Variants in RRM2 observed in about 807,000 individuals in gnomAD.
RRM2 encodes ribonucleoside-diphosphate reductase subunit M2.
RRM2 carries 6 observed loss-of-function variants against 45.9 expected under a neutral mutation model. That is an observed-to-expected ratio of 0.13 (90% CI 0.07 to 0.26). The LOEUF (loss-of-function observed/expected upper bound fraction) is 0.26, where lower values mean the gene tolerates loss of function less well. Ranked by LOEUF, RRM2 falls within the 10% of genes least tolerant of loss-of-function variation. RRM2 has a pLI of 1.00. For synonymous variants in RRM2, 177 were observed against 173.0 expected, an observed-to-expected ratio of 1.02 and a Z score of -0.18; for missense variants, 343 against 489.5, an observed-to-expected ratio of 0.70 and a Z score of 2.82.
chr2:10,140,965 G>A (rs912929333), upstream of RRM2, among the ~76,000 whole-genome samples: 6 of 152,192 alleles, frequency 3.9e-5, no homozygotes, highest in Admixed American at 6.5e-5. Flanking sequence ...GGGTTAGGAG[G>A]AGGTGCCCCG....
At chr2:10,207,756 C>G (rs1318124439) in intron 3 of RRM2, among the ~76,000 whole-genome samples, 1 of 152,070 alleles carries the variant, frequency 6.6e-6, no homozygotes, top group Admixed American at 6.5e-5. Flanking sequence ...AAATGTTCCC[C>G]TCGTGCCATG....
chr2:10,205,477 G>A lies in RRM2; in HGVS notation n.483-4834G>A, dbSNP rs532248583. Among the ~76,000 whole-genome samples, 89 of 152,262 alleles carry A rather than the reference G, an allele frequency of 5.8e-4. No homozygotes were observed. Among genetic ancestry groups the A allele is most frequent in the African/African-American group, 1.8e-3 (76 of 41,556 alleles). On this transcript the variant is annotated intron_variant and non_coding_transcript_variant, in intron 3 of 3. Coordinates refer to the RRM2 transcript ENST00000381786. The surrounding 1 kb of genome is among the most constrained non-coding windows in gnomAD (Gnocchi z 4.8). Reference sequence around the variant, plus strand: ...CTCTTCTCCATTCCCTCTGCTGCTCGTGGACACTCGGAGGTGGGGGAAGGC... The same window carrying A: ...CTCTTCTCCATTCCCTCTGCTGCTCATGGACACTCGGAGGTGGGGGAAGGC...
In RRM2 at chr2:10,193,128, G is replaced by T. The variant is rs557068170; in HGVS notation, n.483-17183G>T. ...GCCAGAAGCCTCAGGTGGCCTCCTT[G>T]TTTTGCCAGCCCTCCCCCGTCGGTT... is the stretch of plus-strand genomic sequence containing the variant. On this transcript the variant is annotated intron_variant and non_coding_transcript_variant, in intron 3 of 3. Coordinates refer to the RRM2 transcript ENST00000381786. 1.3e-3 allele frequency among the ~76,000 whole-genome samples: 204 copies of T among 152,192 alleles called. 1 individual carries two copies. Among genetic ancestry groups the T allele is most frequent in the African/African-American group, 4.7e-3 (195 of 41,534 alleles).
intron 3 of RRM2, chr2:10,192,629 C>G (rs192288636): frequency 4.5e-5 from 7 of 154,568 alleles, no homozygotes; most frequent in South Asian, 2.0e-4. Context: ...TCTCCTGGGT[C>G]CCTGTTTCCT....
intron 3 of RRM2, among the ~76,000 whole-genome samples, chr2:10,156,667 G>A (rs1039577570): frequency 6.6e-6 from 1 of 152,216 alleles, no homozygotes; most frequent in Non-Finnish European, 1.5e-5. Flanking sequence ...GATTGGGACA[G>A]GGTCTCTGTC....
intron 3 of RRM2, among the ~76,000 whole-genome samples, chr2:10,157,261 C>T (rs545140615): frequency 4.8e-4 from 73 of 152,262 alleles, no homozygotes; most frequent in Non-Finnish European, 9.0e-4. Context: ...AACTCCTGAC[C>T]TCAGGTGATC....
intron 3 of RRM2, among the ~76,000 whole-genome samples, chr2:10,149,580 G>C (rs1010724543): frequency 6.6e-6 from 1 of 152,086 alleles, no homozygotes; most frequent in African/African-American, 2.4e-5. Context: ...AATTCTTGCA[G>C]TGTCTTCCTG....
At chr2:10,197,362 A>C (rs575493654) in intron 3 of RRM2, among the ~76,000 whole-genome samples, 57 of 152,210 alleles carry the variant, frequency 3.7e-4, no homozygotes, top group African/African-American at 9.9e-4. Context: ...TCGTTTCGTC[A>C]TGTTCCTTCT....
In RRM2 at chr2:10,122,909, G is replaced by T; in HGVS notation, c.99+12G>T. Reference sequence around the variant, plus strand: ...ACAAGGAGAACACGGTGAGCCCGCGGGGAGGGCGCTGCGGGCAGGGGAGGG... The same window carrying T: ...ACAAGGAGAACACGGTGAGCCCGCGTGGAGGGCGCTGCGGGCAGGGGAGGG... On this transcript the variant is annotated intron_variant, in intron 1 of 9. Coordinates refer to ENST00000304567, the MANE Select transcript of RRM2 (RefSeq NM_001034.4). 1 of 1,570,490 alleles carries T rather than the reference G, an allele frequency of 6.4e-7. No individual in the cohort carries two copies. The highest frequency in any genetic ancestry group is 2.3e-5 in the East Asian group (1 of 43,322).
At chr2:10,210,447 C>G (rs1319214082) in exon 4 of RRM2, 2 of 1,367,902 alleles carry the variant, frequency 1.5e-6, no homozygotes, top group Admixed American at 3.8e-5. Context: ...TGGAGCGACC[C>G]TGTTTCAGAA....
At chr2:10,174,300 T>C (rs1404496961) in intron 3 of RRM2, among the ~76,000 whole-genome samples, 4 of 143,844 alleles carry the variant, frequency 2.8e-5, no homozygotes, top group African/African-American at 9.8e-5. Flanking sequence ...ACAGCAGCGC[T>C]TGGGGAGAAG....
intron 3 of RRM2, among the ~76,000 whole-genome samples, chr2:10,165,522 C>A (rs1407663047): frequency 6.6e-6 from 1 of 152,220 alleles, no homozygotes; most frequent in Non-Finnish European, 1.5e-5. Context: ...GGCTGGGGAC[C>A]AACTGTTTCT....
At chr2:10,189,539 C>T (rs1371695604) in intron 3 of RRM2, among the ~76,000 whole-genome samples, 1 of 152,238 alleles carries the variant, frequency 6.6e-6, no homozygotes. Flanking sequence ...GGGTGGAAGC[C>T]TGAAAGCAGA....
intron 3 of RRM2, among the ~76,000 whole-genome samples, chr2:10,186,665 C>G (rs4630742): frequency 6.6e-6 from 1 of 152,018 alleles, no homozygotes; most frequent in African/African-American, 2.4e-5. Context: ...GAGCAGTGGT[C>G]GAGAGATTTC....
In RRM2 at chr2:10,189,587, G is replaced by A. The variant is rs1272198711; in HGVS notation, n.483-20724G>A. On this transcript the variant is annotated intron_variant and non_coding_transcript_variant, in intron 3 of 3. Transcript: ENST00000381786. ...CTTTCTTTGGTCTGGGGGAGCTCAG[G>A]CCAGGGGCTGGTTAGAGTCCCCAGC... is the stretch of plus-strand genomic sequence containing the variant. Among the ~76,000 whole-genome samples the A allele has an allele frequency of 3.9e-5, 6 of 152,224 alleles. No individual in the cohort carries two copies. In the South Asian group the frequency reaches 1.0e-3, roughly 26 times the overall value.
downstream of RRM2, among the ~76,000 whole-genome samples, chr2:10,134,563 C>G (rs1416116756): frequency 1.3e-5 from 2 of 152,184 alleles, no homozygotes; most frequent in African/African-American, 2.4e-5. Flanking sequence ...GATCCCTAGC[C>G]TGGTTGCACA....
chr2:10,199,805 A>AAAAAAAAAAC (rs1664507630), intron 3 of RRM2, among the ~76,000 whole-genome samples: 1 of 143,996 alleles, frequency 6.9e-6, no homozygotes, highest in African/African-American at 2.7e-5. Flanking sequence ...AAAAAAAAAA[A>AAAAAAAAAAC]AAAACAAATC....
chr2:10,182,117 C>G (rs1664072082), intron 3 of RRM2, among the ~76,000 whole-genome samples: 1 of 151,780 alleles, frequency 6.6e-6, no homozygotes, highest in Non-Finnish European at 1.5e-5. Flanking sequence ...CATGTCTGTC[C>G]CTCCCCCAGG....
intron 3 of RRM2, among the ~76,000 whole-genome samples, chr2:10,206,190 G>A (rs1664661940): frequency 6.7e-6 from 1 of 149,870 alleles, no homozygotes; most frequent in South Asian, 2.1e-4. Flanking sequence ...AGCTTGCAGT[G>A]AGCTGAGATC....
Sources: gnomAD v4.1 joint callset for allele counts (sites outside exome capture counted in the v4.1 genomes callset) on GRCh38, gnomAD v4.1.1 for gene constraint, Gnocchi (gnomAD v3.1) non-coding constraint, MANE v1.5 for transcripts, NCBI Gene and HGNC (gene_info 2026-07-23, HGNC 2026-07-21) for gene names.